The following DNAH9 variants were observed in gnomAD, a reference collection of about 807,000 sequenced individuals.
DNAH9 encodes DNAH9 variant protein.
In DNAH9, 345 loss-of-function variants were observed where a neutral mutation model predicts 471.6. That is an observed-to-expected ratio of 0.73 (90% CI 0.67 to 0.80). The LOEUF is 0.80. DNAH9 is among the 30% of genes least tolerant of loss of function. DNAH9 has a pLI of 0.00. For synonymous variants in DNAH9, 2,093 were observed against 2,123.6 expected, an observed-to-expected ratio of 0.99 and a Z score of 0.40; for missense variants, 5,407 against 5,609.2, an observed-to-expected ratio of 0.96 and a Z score of 1.15.
intron 61 of DNAH9, among the ~76,000 whole-genome samples, chr17:11,911,161 T>A (rs1973782887): frequency 6.6e-6 from 1 of 152,240 alleles, no homozygotes; most frequent in African/African-American, 2.4e-5. Context: ...CCAAGATTTT[T>A]ACTTTTTGTT....
Position 11,719,323 on chromosome 17 carries a change from G to A in DNAH9, c.5553-11G>A, listed in dbSNP as rs367571416. 9.9e-6 allele frequency: 16 copies of A among 1,613,096 alleles called. No homozygotes were observed. Among genetic ancestry groups the A allele is most frequent in the African/African-American group, 2.7e-5 (2 of 74,848 alleles). On this transcript the variant is annotated splice_polypyrimidine_tract_variant and intron_variant, in intron 26 of 68. Coordinates refer to ENST00000262442, the MANE Select transcript of DNAH9 (RefSeq NM_001372.4). ...CAAGAATGATGACCTATGCCCTCCC[G>A]TGTTTGGCAGGTGCTACATCACCCT...
chr17:11,704,702 G>A (rs1270242321), intron 25 of DNAH9, among the ~76,000 whole-genome samples: 2 of 151,740 alleles, frequency 1.3e-5, no homozygotes, highest in African/African-American at 4.8e-5. Flanking sequence ...TCCTGCCTCA[G>A]CCTCCCAAGT....
In DNAH9 at chr17:11,640,373, C is replaced by A; in HGVS notation, c.1890C>A (p.Arg630=). Residue 630 remains arginine (R), a synonymous_variant, in exon 10 of 69, where the codon CGC becomes CGA. Transcript: ENST00000262442. ...AGGGTCCTTTCAGCAACTTTGGACGCATCACACACCCGTGAGTATTGTGTT... is the reference window on the plus strand; with the variant it reads ...AGGGTCCTTTCAGCAACTTTGGACGAATCACACACCCGTGAGTATTGTGTT... ...RIQGPFSNFG[R]ITHPCMESAE... is the part of the protein sequence containing the mutation. 1 of 1,606,900 alleles carries A rather than the reference C, an allele frequency of 6.2e-7. No individual in the cohort carries two copies. The highest frequency in any genetic ancestry group is 8.5e-7 in the Non-Finnish European group (1 of 1,173,436).
intron 67 of DNAH9, among the ~76,000 whole-genome samples, chr17:11,953,581 G>T (rs1975488874): frequency 1.3e-5 from 2 of 152,092 alleles, no homozygotes; most frequent in African/African-American, 4.8e-5. Flanking sequence ...GGAGGCTGAG[G>T]CGGGCGGATC....
rs1967746481 is a variant in DNAH9 at position 11,762,770 on chromosome 17, G to GTTGTTGTTGT, written c.6996-668_6996-667insGTTGTTGTTT. Among the ~76,000 whole-genome samples, 13 of 90,792 alleles carry GTTGTTGTTGT rather than the reference G, an allele frequency of 1.4e-4. No homozygotes were observed. The East Asian group carries it at 4.0e-3, about 28-fold the overall frequency. The allele number at this position is 90,792 out of a possible 152,430, so 59.6% of individuals were successfully genotyped here. A position where few individuals can be genotyped will look rare whatever the true frequency, so the allele number is the denominator to read the frequency against. ...CCTCTTTAGGTGCGTTTTTTTTTTTGTTTTTTTTTTTTTTTTTTTTTTTTT... is the reference window on the plus strand; with the variant it reads ...CCTCTTTAGGTGCGTTTTTTTTTTTGTTGTTGTTGTTTTTTTTTTTTTTTTTTTTTTTTTT... On this transcript the variant is annotated intron_variant, in intron 35 of 68. Coordinates refer to ENST00000262442, the MANE Select transcript of DNAH9 (RefSeq NM_001372.4).
chr17:11,965,739 G>A (rs1567585815), intron 68 of DNAH9, among the ~76,000 whole-genome samples: 3 of 152,054 alleles, frequency 2.0e-5, no homozygotes, highest in Admixed American at 1.3e-4. Flanking sequence ...TGTGAACTAT[G>A]TATCACTGAA....
At chr17:11,850,989 G>T (rs1043815437) in intron 49 of DNAH9, among the ~76,000 whole-genome samples, 1 of 152,188 alleles carries the variant, frequency 6.6e-6, no homozygotes, top group East Asian at 1.9e-4. Flanking sequence ...AATCATTTCA[G>T]GTTCTCTGAA....
intron 55 of DNAH9, among the ~76,000 whole-genome samples, chr17:11,881,650 T>A (rs1173596512): frequency 6.6e-6 from 1 of 152,180 alleles, no homozygotes; most frequent in East Asian, 1.9e-4. Context: ...GGCTCATGCC[T>A]ATAATCTGAG....
intron 24 of DNAH9, among the ~76,000 whole-genome samples, chr17:11,703,138 G>T (rs1206369035): frequency 6.6e-6 from 1 of 151,784 alleles, no homozygotes; most frequent in Non-Finnish European, 1.5e-5. Context: ...CAGTGAATGT[G>T]TGTGAATAGC....
rs1238092019 is a variant in DNAH9 at position 11,883,719 on chromosome 17, C to T, written c.10940C>T (p.Thr3647Ile). 1.2e-6 allele frequency: 2 copies of T among 1,614,080 alleles called. No homozygotes were observed. The highest frequency in any genetic ancestry group is 1.7e-6 in the Non-Finnish European group (2 of 1,179,986). ...ETVLVENLEI[T>I]KQTAAEVEKK... Reference sequence around the variant, plus strand: ...GTGCTGGTGGAAAACCTAGAGATCACCAAGCAGACTGCTGCCGAAGTTGAG... The same window carrying T: ...GTGCTGGTGGAAAACCTAGAGATCATCAAGCAGACTGCTGCCGAAGTTGAG... Residue 3647 changes from threonine to isoleucine, a missense_variant, in exon 56 of 69, where the codon ACC (threonine) becomes ATC (isoleucine). Thr to Ile is a moderately conservative substitution (Grantham distance 89). Around this residue, in one of 3 missense-constraint regions of DNAH9, gnomAD observed 4,636 missense variants for 4,900.3 expected, o/e 0.95. Transcript: ENST00000262442.
chr17:11,610,140 T>C lies in DNAH9; in HGVS notation c.615-256T>C, dbSNP rs1177963275. On this transcript the variant is annotated intron_variant, in intron 2 of 68. Coordinates refer to ENST00000262442, the MANE Select transcript of DNAH9 (RefSeq NM_001372.4). ...CTTAAACTAGTCTTCAGGATATTGA[T>C]GAGCCCTGAATCTGTATGAAAAATG... Among the ~76,000 whole-genome samples, 3 of 152,206 alleles carry C rather than the reference T, an allele frequency of 2.0e-5. No homozygotes were observed. In the East Asian group the frequency reaches 5.8e-4, roughly 29 times the overall value.
chr17:11,874,757 G>GAA (rs34987580), intron 52 of DNAH9, among the ~76,000 whole-genome samples, 192 bp from the exon 53 acceptor site: 28 of 148,944 alleles, frequency 1.9e-4, no homozygotes, highest in Non-Finnish European at 3.6e-4. Flanking sequence ...CCATGGAGGG[G>GAA]AAAAAAAAAA....
intron 26 of DNAH9, among the ~76,000 whole-genome samples, chr17:11,706,490 A>G (rs921947751): frequency 6.6e-6 from 1 of 152,144 alleles, no homozygotes; most frequent in Non-Finnish European, 1.5e-5. Context: ...GTACAAGGCC[A>G]TAGTATAAAA....
At chr17:11,708,000 CACACACACACACACAGAG>C (rs1259055921) in intron 26 of DNAH9, among the ~76,000 whole-genome samples, 1,049 of 50,616 alleles carry the variant, frequency 0.021, 3 homozygotes, top group Middle Eastern at 0.069. Flanking sequence ...CACACACACA[CACACACACACACACAGAG>C]AGAGAGAGAG....
chr17:11,632,453 C>T (rs372461483), intron 7 of DNAH9, 134 bp from the exon 8 acceptor site: 1 of 607,316 alleles, frequency 1.6e-6, no homozygotes, highest in East Asian at 2.6e-5. Flanking sequence ...TAAGTCATGC[C>T]ATGGTGAATT....
chr17:11,823,242 G>C (rs1970376210), intron 48 of DNAH9, among the ~76,000 whole-genome samples: 1 of 152,128 alleles, frequency 6.6e-6, no homozygotes, highest in South Asian at 2.1e-4. Flanking sequence ...AGCTTTTCAA[G>C]TTTATCCTTG....
chr17:11,843,841 TTGTG>T lies in DNAH9; in HGVS notation c.9507+8963_9507+8966del, dbSNP rs370150805. ...TTTGTATATATACATGTATATGTGT[TTGTG>T]TGTGTGTGTGTGTGTGTGTATATAT... On this transcript the variant is annotated intron_variant, in intron 49 of 68. Transcript: ENST00000262442. Among the ~76,000 whole-genome samples the T allele has an allele frequency of 5.5e-3, 387 of 69,756 alleles. 34 individuals carry two copies. Among genetic ancestry groups the T allele is most frequent in the Middle Eastern group, 0.017 (1 of 58 alleles). The allele number at this position is 69,756 out of a possible 152,430, so 45.8% of individuals were successfully genotyped here.
At chr17:11,828,745 TC>T in intron 48 of DNAH9, among the ~76,000 whole-genome samples, 1 of 152,220 alleles carries the variant, frequency 6.6e-6, no homozygotes, top group South Asian at 2.1e-4. Context: ...TGTCATCACT[TC>T]CGAGACCTGA....
Position 11,664,853 on chromosome 17 carries a change from A to C in DNAH9, c.2616A>C (p.Ser872=). The C allele has an allele frequency of 6.2e-7, 1 of 1,613,270 alleles. No homozygotes were observed. The highest frequency in any genetic ancestry group is 8.5e-7 in the Non-Finnish European group (1 of 1,179,394). The change falls in exon 15 of 69, where the codon TCA becomes TCC. Residue 872 remains serine (S), a synonymous_variant. Transcript: ENST00000262442. ...ALVQENLGLF[S]ADPTSNIWKT... is the part of the protein sequence containing the mutation. ...TATAGGAAAACCTGGGTCTATTTTC[A>C]GCAGACCCAACCTCCAATATCTGGA...
Sources: allele counts gnomAD v4.1 joint callset (sites outside exome capture counted in the v4.1 genomes callset), GRCh38; gene constraint gnomAD v4.1.1; regional missense constraint gnomAD v4.1.1; transcripts MANE v1.5; gene names NCBI Gene and HGNC (gene_info 2026-07-23, HGNC 2026-07-21).